The following CNTFR variants were observed in gnomAD, a reference collection of about 807,000 sequenced individuals.
CNTFR encodes ciliary neurotrophic factor receptor, also known as ciliary neurotrophic factor receptor subunit alpha.
A neutral mutation model predicts 40.4 loss-of-function variants in CNTFR; 12 were observed. That is an observed-to-expected ratio of 0.30 (90% CI 0.19 to 0.48). CNTFR has a LOEUF of 0.48. CNTFR is among the 20% of genes least tolerant of loss of function. The probability of loss-of-function intolerance (pLI) is 0.99; values close to 1 mark genes in which losing one functional copy is unlikely to be tolerated. For missense variants in CNTFR, 414 were observed against 506.8 expected (o/e 0.82, Z 1.76); for synonymous variants, 202 against 209.6 (o/e 0.96, Z 0.31).
At chr9:34,586,816 T>G (rs528330976) in intron 1 of CNTFR, among the ~76,000 whole-genome samples, 88 of 152,296 alleles carry the variant, frequency 5.8e-4, no homozygotes, top group Non-Finnish European at 7.6e-4. Flanking sequence ...GTGAGGGACG[T>G]GACCAAATGT....
intron 2 of CNTFR, among the ~76,000 whole-genome samples, chr9:34,579,241 C>T (rs895580614): frequency 6.6e-6 from 1 of 152,014 alleles, no homozygotes; most frequent in African/African-American, 2.4e-5. Context: ...GGGGGATCCA[C>T]GCTGCCTGAT....
In CNTFR at chr9:34,563,172, G is replaced by C. The variant is rs73486521; in HGVS notation, c.319+1427C>G. On this transcript the variant is annotated intron_variant, in intron 4 of 9. Transcript: ENST00000378980. ...TGTCCTCCAAGGATCCCACTGAACAGGTCTGCAGCAGATGTCTAGGGAGCC... is the reference window on the plus strand; with the variant it reads ...TGTCCTCCAAGGATCCCACTGAACACGTCTGCAGCAGATGTCTAGGGAGCC... Among the ~76,000 whole-genome samples the C allele has an allele frequency of 9.4e-3, 1,427 of 152,278 alleles. 22 individuals are homozygous for C. Among genetic ancestry groups the C allele is most frequent in the African/African-American group, 0.032 (1,332 of 41,540 alleles).
chr9:34,563,830 T>A lies in CNTFR; in HGVS notation c.319+769A>T, dbSNP rs558956906. On this transcript the variant is annotated intron_variant, in intron 4 of 9. Coordinates refer to ENST00000378980, the MANE Select transcript of CNTFR (RefSeq NM_147164.3). ...CCAGGTCCTCATCCTCTCTCCTGCA[T>A]CCAGTAACAGTCTCCTTCCTACCTT... 1.9e-4 allele frequency among the ~76,000 whole-genome samples: 29 copies of A among 152,196 alleles called. No homozygotes were observed. The South Asian group carries it at 6.0e-3, about 32-fold the overall frequency.
intron 2 of CNTFR, chr9:34,580,182 G>A (rs1231860281): frequency 6.6e-6 from 1 of 152,174 alleles, no homozygotes; most frequent in African/African-American, 2.4e-5. Flanking sequence ...TTCCAAATAA[G>A]CCATCAGACT....
chr9:34,554,793 A>G (rs1825769303), intron 7 of CNTFR, among the ~76,000 whole-genome samples: 1 of 152,164 alleles, frequency 6.6e-6, no homozygotes, highest in South Asian at 2.1e-4. Context: ...CCTCTCCCCA[A>G]GGTCAAGGAC....
intron 1 of CNTFR, among the ~76,000 whole-genome samples, chr9:34,583,984 G>C (rs927583797): frequency 2.0e-5 from 3 of 152,342 alleles, no homozygotes; most frequent in East Asian, 3.9e-4. Flanking sequence ...TAGAAGTTGG[G>C]GGAGGCTATA....
intron 1 of CNTFR, among the ~76,000 whole-genome samples, chr9:34,588,261 G>A (rs1827623403): frequency 6.6e-6 from 1 of 152,118 alleles, no homozygotes; most frequent in Non-Finnish European, 1.5e-5. Context: ...TAGCCCCCAA[G>A]TCATTGCTAG....
At chr9:34,553,919 C>T (rs2132116147) in intron 7 of CNTFR, among the ~76,000 whole-genome samples, 1 of 152,278 alleles carries the variant, frequency 6.6e-6, no homozygotes, top group South Asian at 2.1e-4. Context: ...CCAACCTTCC[C>T]CCGAGAAAAC....
Position 34,557,466 on chromosome 9 carries a change from A to T in CNTFR, c.604+60T>A. The T allele has an allele frequency of 6.3e-7, 1 of 1,578,596 alleles. No individual in the cohort carries two copies. The highest frequency in any genetic ancestry group is 8.7e-7 in the Non-Finnish European group (1 of 1,154,850). The stretch of plus-strand genomic sequence containing the variant: ...GCATGTGGACATCCCCACCAATGGC[A>T]CACATCCACTTACATTCCCACTGGA... On this transcript the variant is annotated intron_variant, in intron 6 of 9. Transcript: ENST00000378980. This position sits in a 1 kb window ranked among gnomAD's most constrained non-coding sequence, Gnocchi z 4.2.
At chr9:34,563,346 T>C (rs1447272219) in intron 4 of CNTFR, among the ~76,000 whole-genome samples, 1 of 152,192 alleles carries the variant, frequency 6.6e-6, no homozygotes, top group East Asian at 1.9e-4. Flanking sequence ...GGTGAATCTC[T>C]CAACCACTGA....
chr9:34,590,361 G>C (rs901564082), upstream of CNTFR, among the ~76,000 whole-genome samples: 7 of 152,134 alleles, frequency 4.6e-5, no homozygotes, highest in Non-Finnish European at 2.9e-5. Flanking sequence ...AACTCTCGGG[G>C]TCCTCCCTCC....
chr9:34,555,941 T>G (rs1825817668), intron 7 of CNTFR, among the ~76,000 whole-genome samples: 1 of 57,004 alleles, frequency 1.8e-5, no homozygotes, highest in East Asian at 5.9e-4. Flanking sequence ...CCCCGCCATC[T>G]CCCTCCCCCA....
intron 1 of CNTFR, among the ~76,000 whole-genome samples, chr9:34,588,812 C>T (rs1009026754): frequency 3.9e-5 from 6 of 152,094 alleles, no homozygotes; most frequent in Non-Finnish European, 7.4e-5. Flanking sequence ...ACGGCCCAGC[C>T]CCCACGCACG....
chr9:34,574,187 C>A (rs955748901), intron 2 of CNTFR, among the ~76,000 whole-genome samples: 6 of 151,968 alleles, frequency 3.9e-5, no homozygotes, highest in South Asian at 2.1e-4. Context: ...GCAGCTGGCC[C>A]GGCAGGCCCC....
chr9:34,574,848 C>T (rs1001040766), intron 2 of CNTFR, among the ~76,000 whole-genome samples: 4 of 152,182 alleles, frequency 2.6e-5, no homozygotes, highest in South Asian at 2.1e-4. Flanking sequence ...CACGTGTGTG[C>T]GGGCGTGTTG....
At position 34,556,408 on chromosome 9, in the gene CNTFR, A is replaced by G. The variant is rs1825837630; in HGVS notation, c.615T>C (p.Asp205=). 6.2e-7 allele frequency: 1 copy of G among 1,610,038 alleles called. No homozygotes were observed. The highest frequency in any genetic ancestry group is 1.3e-5 in the African/African-American group (1 of 74,990). Residue 205 remains aspartate (D), a synonymous_variant, in exon 7 of 10, where the codon GAT becomes GAC. Transcript: ENST00000378980. ...TFDEFTIVKP[D]PPENVVARPV... ...GCCGGGCTACCACATTTTCTGGAGG[A>G]TCAGGCTTCACTGTTCAGGAGACAT...
Position 34,552,114 on chromosome 9 carries a change from G to C in CNTFR, c.*-43C>G, listed in dbSNP as rs558690927. On this transcript the variant is annotated intron_variant, in intron 9 of 9. Transcript: ENST00000378980. The surrounding 1 kb of genome is among the most constrained non-coding windows in gnomAD (Gnocchi z 5.1). ...GGCCTGTCAGGGAGGGGGCTGGAGT[G>C]GGGGTTCCCTCAGGCTCCCTCTGCC... 6.3e-7 allele frequency: 1 copy of C among 1,597,220 alleles called. No homozygotes were observed. Among genetic ancestry groups the C allele is most frequent in the South Asian group, 1.1e-5 (1 of 88,524 alleles).
In CNTFR at chr9:34,552,534, G is replaced by T; in HGVS notation, c.949+140C>A. On this transcript the variant is annotated intron_variant, in intron 8 of 9. Coordinates refer to ENST00000378980, the MANE Select transcript of CNTFR (RefSeq NM_147164.3). This position sits in a 1 kb window ranked among gnomAD's most constrained non-coding sequence, Gnocchi z 5.1. ...GTCCAGATAGCAAGGACCAGGAATG[G>T]CAGGAGTTGGACAGACAGGCAGAAG... is the stretch of plus-strand genomic sequence containing the variant. The T allele has an allele frequency of 9.5e-7, 1 of 1,050,400 alleles. No individual in the cohort carries two copies. Among genetic ancestry groups the T allele is most frequent in the Non-Finnish European group, 1.3e-6 (1 of 741,780 alleles). 65.1% of individuals were successfully genotyped at this position (1,050,400 alleles called of 1,614,324 possible).
chr9:34,579,421 G>A (rs1370101537), intron 2 of CNTFR, among the ~76,000 whole-genome samples: 1 of 152,134 alleles, frequency 6.6e-6, no homozygotes, highest in African/African-American at 2.4e-5. Flanking sequence ...GAGGGGGGTG[G>A]AGAGACAGAG....
Sources: allele counts gnomAD v4.1 joint callset (sites outside exome capture counted in the v4.1 genomes callset), GRCh38; gene constraint gnomAD v4.1.1; non-coding constraint Gnocchi (gnomAD v3.1); transcripts MANE v1.5; gene names NCBI Gene and HGNC (gene_info 2026-07-23, HGNC 2026-07-21).